The following KLF8 variants were observed in gnomAD, a reference collection of about 807,000 sequenced individuals.
The protein encoded by KLF8 is KLF transcription factor 8.
A neutral mutation model predicts 18.2 loss-of-function variants in KLF8; 10 were observed. The observed-to-expected ratio is 0.55, with a 90% CI of 0.34 to 0.93. The LOEUF is 0.93. Among genes scored for constraint, KLF8 ranks in the 40% least tolerant of loss-of-function variants. The probability of loss-of-function intolerance (pLI) is 0.02; values close to 1 mark genes in which losing one functional copy is unlikely to be tolerated. For missense variants in KLF8, 264 were observed against 277.9 expected (o/e 0.95, Z 0.36); for synonymous variants, 109 against 97.3 (o/e 1.12, Z -0.71).
chrX:56,065,746 A>G, the KLF8 span, among the ~76,000 whole-genome samples: 1 of 111,140 alleles, frequency 9.0e-6, no homozygotes, highest in Non-Finnish European at 1.9e-5. Context: ...TTGGGTAGGG[A>G]ACTTTGGGTT....
chrX:56,038,589 TACC>T, the KLF8 span, among the ~76,000 whole-genome samples: 1 of 112,876 alleles, frequency 8.9e-6, no homozygotes, highest in Non-Finnish European at 1.9e-5. Flanking sequence ...AGTTTATATG[TACC>T]ACATTTTCTT....
chrX:56,224,702 T>C, the KLF8 span, among the ~76,000 whole-genome samples: 1 of 112,247 alleles, frequency 8.9e-6, no homozygotes, highest in East Asian at 2.8e-4. Context: ...TTGAGAATTC[T>C]TGAAAAACTT....
At chrX:55,989,560 A>G in the KLF8 span, among the ~76,000 whole-genome samples, 6 of 112,054 alleles carry the variant, frequency 5.4e-5, 1 homozygote, top group Admixed American at 5.7e-4. Context: ...AGCCCCCTTG[A>G]TCATGGTGGA....
the KLF8 span, among the ~76,000 whole-genome samples, chrX:56,033,219 T>A: frequency 9.0e-6 from 1 of 111,273 alleles, no homozygotes; most frequent in South Asian, 3.8e-4. Context: ...TTCTACTCTC[T>A]ATTTCTTTGA....
chrX:56,191,977 G>A, the KLF8 span, among the ~76,000 whole-genome samples: 1 of 111,106 alleles, frequency 9.0e-6, no homozygotes, highest in Admixed American at 9.6e-5. Flanking sequence ...CCTAACTAAA[G>A]CAATCAGACA....
chrX:55,963,884 A>G, the KLF8 span, among the ~76,000 whole-genome samples: 2 of 111,828 alleles, frequency 1.8e-5, no homozygotes, highest in Non-Finnish European at 3.8e-5. Flanking sequence ...GGCAATTCTC[A>G]ACAATTTTTT....
At chrX:56,116,248 T>C in the KLF8 span, among the ~76,000 whole-genome samples, 1 of 112,175 alleles carries the variant, frequency 8.9e-6, no homozygotes, top group Non-Finnish European at 1.9e-5. Context: ...CAGGAACAGG[T>C]GTGATGAGGA....
chrX:56,191,664 T>C, the KLF8 span, among the ~76,000 whole-genome samples: 8 of 111,828 alleles, frequency 7.2e-5, no homozygotes, highest in Non-Finnish European at 1.5e-4. Flanking sequence ...ATTAATCAAT[T>C]TGATGCATCG....
chrX:55,970,118 A>T, the KLF8 span, among the ~76,000 whole-genome samples: 2 of 111,407 alleles, frequency 1.8e-5, no homozygotes, highest in Non-Finnish European at 3.8e-5. Flanking sequence ...AGACAAAAAC[A>T]CATTAAAAAA....
the KLF8 span, among the ~76,000 whole-genome samples, chrX:56,073,791 T>G: frequency 9.4e-6 from 1 of 105,965 alleles, no homozygotes; most frequent in Admixed American, 1.0e-4. Flanking sequence ...TCTCGCCCAG[T>G]CTTGAGTGCA....
chrX:56,019,373 G>A, the KLF8 span, among the ~76,000 whole-genome samples: 8 of 112,276 alleles, frequency 7.1e-5, 1 homozygote, highest in Non-Finnish European at 1.3e-4. Flanking sequence ...CTTCCTTTCA[G>A]AGAGTGCTGA....
the KLF8 span, among the ~76,000 whole-genome samples, chrX:56,113,398 A>C: frequency 9.2e-6 from 1 of 108,194 alleles, no homozygotes; most frequent in East Asian, 2.9e-4. Context: ...TCCCCTCCCT[A>C]GGTTTGCTGT....
At chrX:55,990,390 G>T in the KLF8 span, among the ~76,000 whole-genome samples, 1 of 111,897 alleles carries the variant, frequency 8.9e-6, no homozygotes, top group African/African-American at 3.3e-5. Context: ...CTGAGATTCT[G>T]GTATGTTGTG....
the KLF8 span, among the ~76,000 whole-genome samples, chrX:55,953,342 T>G: frequency 9.0e-6 from 1 of 111,245 alleles, no homozygotes; most frequent in South Asian, 3.8e-4. Flanking sequence ...CAGAGGAACC[T>G]TCTAAGAAGA....
At chrX:56,025,023 G>T in the KLF8 span, among the ~76,000 whole-genome samples, 2 of 112,539 alleles carry the variant, frequency 1.8e-5, no homozygotes, top group Non-Finnish European at 3.8e-5. Flanking sequence ...TTGTCAGGAT[G>T]GTTCTTTTGG....
the KLF8 span, among the ~76,000 whole-genome samples, chrX:56,049,822 G>A: frequency 9.1e-6 from 1 of 109,511 alleles, no homozygotes; most frequent in Non-Finnish European, 1.9e-5. Context: ...CTATTGATTG[G>A]AATAGCTTCA....
the KLF8 span, among the ~76,000 whole-genome samples, chrX:56,076,721 C>G: frequency 8.9e-6 from 1 of 111,839 alleles, no homozygotes; most frequent in Non-Finnish European, 1.9e-5. Context: ...GCCACACTGA[C>G]TTCCACAATG....
the KLF8 span, among the ~76,000 whole-genome samples, chrX:56,051,044 A>G: frequency 1.7e-4 from 18 of 108,862 alleles, no homozygotes; most frequent in Non-Finnish European, 2.7e-4. Context: ...GTCTCTTTTG[A>G]TCTTTGTTGG....
the KLF8 span, among the ~76,000 whole-genome samples, chrX:56,190,076 C>A: frequency 4.5e-5 from 5 of 110,039 alleles, no homozygotes; most frequent in African/African-American, 1.6e-4. Flanking sequence ...TGATTTGTTA[C>A]CTGCAAGAAT....
Sources: gnomAD v4.1 joint callset for allele counts (sites outside exome capture counted in the v4.1 genomes callset) on GRCh38, gnomAD v4.1.1 for gene constraint, MANE v1.5 for transcripts, NCBI Gene and HGNC (gene_info 2026-07-23, HGNC 2026-07-21) for gene names.